The following FGF10 variants were observed in gnomAD, a reference collection of about 807,000 sequenced individuals.
The protein encoded by FGF10 is fibroblast growth factor 10.
Under a neutral mutation model 19.8 loss-of-function variants are expected in FGF10, and 2 were observed. The ratio of observed to expected loss-of-function variants is 0.10; its 90% CI spans 0.04 to 0.32. The LOEUF (loss-of-function observed/expected upper bound fraction) is 0.32, where lower values mean the gene tolerates loss of function less well. FGF10 is among the 10% of genes least tolerant of loss of function. The pLI is 1.00. For synonymous variants in FGF10, 112 were observed against 94.0 expected, an observed-to-expected ratio of 1.19 and a Z score of -1.10; for missense variants, 191 against 246.3, an observed-to-expected ratio of 0.78 and a Z score of 1.50.
At chr5:44,343,031 G>A (rs1741003300) in intron 1 of FGF10, among the ~76,000 whole-genome samples, 1 of 151,996 alleles carries the variant, frequency 6.6e-6, no homozygotes, top group Admixed American at 6.6e-5. Context: ...GATTCAAATA[G>A]AGGTGGGTGG....
At chr5:44,354,219 G>A (rs1404334698) in intron 1 of FGF10, among the ~76,000 whole-genome samples, 1 of 151,004 alleles carries the variant, frequency 6.6e-6, no homozygotes, top group Non-Finnish European at 1.5e-5. Flanking sequence ...TAAATAGAAA[G>A]TAGAGAGTGG....
At chr5:44,325,681 A>C (rs1031329339) in intron 1 of FGF10, among the ~76,000 whole-genome samples, 1 of 150,722 alleles carries the variant, frequency 6.6e-6, no homozygotes, top group African/African-American at 2.4e-5. Context: ...TGGGAATTGA[A>C]CAATGAGAAC....
chr5:44,349,387 T>G (rs2111815285), intron 1 of FGF10, among the ~76,000 whole-genome samples: 1 of 133,012 alleles, frequency 7.5e-6, no homozygotes, highest in Non-Finnish European at 1.6e-5. Flanking sequence ...TTAACAATGA[T>G]AATTCTTGCC....
chr5:44,320,149 G>C (rs1403524209), intron 1 of FGF10, among the ~76,000 whole-genome samples: 1 of 152,168 alleles, frequency 6.6e-6, no homozygotes, highest in African/African-American at 2.4e-5. Context: ...CTAGCACTGA[G>C]GAGCAGATGC....
intron 1 of FGF10, among the ~76,000 whole-genome samples, chr5:44,350,943 C>T (rs915441966): frequency 2.0e-5 from 3 of 151,204 alleles, no homozygotes; most frequent in Non-Finnish European, 3.0e-5. Flanking sequence ...ATAATGCCCG[C>T]TGATAATTAT....
chr5:44,357,657 G>C (rs1643958375), intron 1 of FGF10, among the ~76,000 whole-genome samples: 1 of 151,442 alleles, frequency 6.6e-6, no homozygotes, highest in African/African-American at 2.4e-5. Flanking sequence ...ATCTGATCCA[G>C]TGTCCTTGCT....
intron 1 of FGF10, among the ~76,000 whole-genome samples, chr5:44,338,214 T>G (rs1035133006): frequency 6.6e-6 from 1 of 152,166 alleles, no homozygotes; most frequent in African/African-American, 2.4e-5. Context: ...ACACATATAG[T>G]TTTTACATAT....
At chr5:44,383,001 C>A (rs1486364606) in intron 1 of FGF10, among the ~76,000 whole-genome samples, 1 of 152,084 alleles carries the variant, frequency 6.6e-6, no homozygotes, top group Non-Finnish European at 1.5e-5. Flanking sequence ...ATATATTACT[C>A]TTCTTTCTGA....
intron 1 of FGF10, among the ~76,000 whole-genome samples, chr5:44,341,752 G>T (rs1461696019): frequency 6.6e-6 from 1 of 151,992 alleles, no homozygotes; most frequent in Non-Finnish European, 1.5e-5. Flanking sequence ...AGTGACTGGG[G>T]AGAAATCATG....
At chr5:44,380,793 C>A (rs1741967597) in intron 1 of FGF10, among the ~76,000 whole-genome samples, 1 of 152,138 alleles carries the variant, frequency 6.6e-6, no homozygotes, top group Admixed American at 6.5e-5. Context: ...CAAGCCTGGG[C>A]AACATAGTGA....
At chr5:44,305,605 G>A (rs560270230) in intron 2 of FGF10, among the ~76,000 whole-genome samples, 2 of 152,012 alleles carry the variant, frequency 1.3e-5, no homozygotes, top group East Asian at 1.9e-4. Flanking sequence ...TAGAACTGAA[G>A]GAAAGATATG....
chr5:44,382,890 GT>G (rs1290011774), intron 1 of FGF10, among the ~76,000 whole-genome samples: 1 of 152,004 alleles, frequency 6.6e-6, no homozygotes, highest in African/African-American at 2.4e-5. Flanking sequence ...GTTGACAGAT[GT>G]TGGAACAGTA....
At chr5:44,378,398 A>G (rs1307668670) in intron 1 of FGF10, among the ~76,000 whole-genome samples, 4 of 152,216 alleles carry the variant, frequency 2.6e-5, no homozygotes, top group Non-Finnish European at 4.4e-5. Context: ...CCAAAACTTC[A>G]GAACAGTATG....
intron 1 of FGF10, among the ~76,000 whole-genome samples, chr5:44,381,564 G>T (rs1040995873): frequency 2.0e-5 from 3 of 151,988 alleles, no homozygotes; most frequent in African/African-American, 7.2e-5. Flanking sequence ...CTCAGAAGCA[G>T]GGTTGTCACA....
At chr5:44,379,783 C>G (rs1050446232) in intron 1 of FGF10, among the ~76,000 whole-genome samples, 4 of 152,146 alleles carry the variant, frequency 2.6e-5, no homozygotes, top group African/African-American at 9.7e-5. Flanking sequence ...GATCTCTTTC[C>G]TGAGAGTTCA....
At chr5:44,365,072 G>A (rs1485967694) in intron 1 of FGF10, among the ~76,000 whole-genome samples, 1 of 151,894 alleles carries the variant, frequency 6.6e-6, no homozygotes, top group Non-Finnish European at 1.5e-5. Context: ...AGTTATTACT[G>A]TAAAATGTCG....
intron 1 of FGF10, among the ~76,000 whole-genome samples, chr5:44,372,189 G>A (rs759435872): frequency 3.3e-5 from 5 of 152,204 alleles, no homozygotes; most frequent in East Asian, 1.9e-4. Flanking sequence ...AGGGGACAGC[G>A]TCCATTGCCT....
chr5:44,382,416 CA>C (rs1197590113), intron 1 of FGF10, among the ~76,000 whole-genome samples: 1 of 152,102 alleles, frequency 6.6e-6, no homozygotes, highest in African/African-American at 2.4e-5. Flanking sequence ...TTCTGTAAAA[CA>C]TCAACATTTT....
intron 1 of FGF10, among the ~76,000 whole-genome samples, chr5:44,314,697 G>A (rs1187964606): frequency 2.0e-5 from 3 of 152,066 alleles, no homozygotes; most frequent in Non-Finnish European, 4.4e-5. Context: ...ATCTGAGAAG[G>A]TGGCCATTCA....
Sources: allele counts gnomAD v4.1 joint callset (sites outside exome capture counted in the v4.1 genomes callset), GRCh38; gene constraint gnomAD v4.1.1; transcripts MANE v1.5; gene names NCBI Gene and HGNC (gene_info 2026-07-23, HGNC 2026-07-21).